Variants in MINDY2 observed in about 807,000 individuals in gnomAD.
MINDY2 encodes the protein ubiquitin carboxyl-terminal hydrolase MINDY-2.
A neutral mutation model predicts 68.2 loss-of-function variants in MINDY2; 52 were observed. That is an observed-to-expected ratio of 0.76 (90% CI 0.61 to 0.96). The LOEUF is 0.96. Ranked by LOEUF, MINDY2 falls within the 40% of genes least tolerant of loss-of-function variation. The probability of loss-of-function intolerance (pLI) is 0.00; values close to 1 mark genes in which losing one functional copy is unlikely to be tolerated. For synonymous variants in MINDY2, 372 were observed against 303.0 expected (o/e 1.23, Z -2.36); for missense variants, 881 against 773.4 (o/e 1.14, Z -1.65).
chr15:58,834,138 G>T (rs1384189445), intron 6 of MINDY2, among the ~76,000 whole-genome samples: 1 of 152,180 alleles, frequency 6.6e-6, no homozygotes, highest in African/African-American at 2.4e-5. Flanking sequence ...AGTTGACACA[G>T]CACACGTTTC....
rs1006156997 is a variant in MINDY2 at position 58,860,444 on chromosome 15, C to G, written c.*5834C>G. The G allele has an allele frequency of 4.6e-5, 7 of 152,048 alleles. No homozygotes were observed. The highest frequency in any genetic ancestry group is 5.9e-5 in the Non-Finnish European group (4 of 68,012). 9.4% of individuals were successfully genotyped at this position (152,048 alleles called of 1,614,324 possible). On this transcript the variant is annotated 3_prime_UTR_variant, in exon 9 of 9. Transcript: ENST00000559228. ...AAAAAATTAGCTGGGTGTGGTGGCA[C>G]ATGCCTGTAATCCCAGCCACTGGGG...
chr15:58,786,876 C>T (rs1397611201), intron 1 of MINDY2, among the ~76,000 whole-genome samples: 1 of 152,192 alleles, frequency 6.6e-6, no homozygotes, highest in Non-Finnish European at 1.5e-5. Flanking sequence ...GTCACCCAGG[C>T]TGGAGTGCAA....
intron 6 of MINDY2, among the ~76,000 whole-genome samples, chr15:58,842,993 T>G (rs2032354285): frequency 6.6e-6 from 1 of 152,198 alleles, no homozygotes; most frequent in South Asian, 2.1e-4. Flanking sequence ...CTACATTTGT[T>G]AAGTAGGAGT....
At chr15:58,820,918 A>G (rs928769483) in intron 4 of MINDY2, among the ~76,000 whole-genome samples, 9 of 151,514 alleles carry the variant, frequency 5.9e-5, no homozygotes, top group African/African-American at 1.7e-4. Context: ...TAACTTACTT[A>G]TACAGCAATA....
chr15:58,816,964 T>C (rs2030727465), intron 4 of MINDY2, among the ~76,000 whole-genome samples: 1 of 151,784 alleles, frequency 6.6e-6, no homozygotes, highest in Non-Finnish European at 1.5e-5. Context: ...GTCCTGGCTC[T>C]ACAAACATGG....
intron 6 of MINDY2, among the ~76,000 whole-genome samples, chr15:58,835,433 A>T (rs2031946124): frequency 6.6e-6 from 1 of 152,112 alleles, no homozygotes; most frequent in South Asian, 2.1e-4. Flanking sequence ...CGGGTGAATC[A>T]CTTGAGGTCA....
At position 58,851,985 on chromosome 15, in the gene MINDY2, G is replaced by A; in HGVS notation, c.1737+20G>A. On this transcript the variant is annotated intron_variant, in intron 8 of 8. Transcript: ENST00000559228. ...GCTCAGGTAAAAACTAGTGTTTTGA[G>A]TCTTAAATGTGATGATCATGGCTGG... 1 of 1,550,620 alleles carries A rather than the reference G, an allele frequency of 6.4e-7. No individual in the cohort carries two copies. Among genetic ancestry groups the A allele is most frequent in the Non-Finnish European group, 8.7e-7 (1 of 1,152,810 alleles).
chr15:58,795,032 C>T lies in MINDY2; in HGVS notation c.898+7069C>T, dbSNP rs552578364. On this transcript the variant is annotated intron_variant, in intron 2 of 8. Transcript: ENST00000559228. Reference sequence around the variant, plus strand: ...CTACTAAAAATACAAAAAAATTAGCCGGGCGTGGTGGCGGGCGCCTGTAGT... The same window carrying T: ...CTACTAAAAATACAAAAAAATTAGCTGGGCGTGGTGGCGGGCGCCTGTAGT... Among the ~76,000 whole-genome samples, 3 of 151,978 alleles carry T rather than the reference C, an allele frequency of 2.0e-5. No individual in the cohort carries two copies. In the South Asian group the frequency reaches 6.2e-4, roughly 32 times the overall value.
chr15:58,824,149 A>G (rs1258041856), intron 5 of MINDY2, among the ~76,000 whole-genome samples: 1 of 152,192 alleles, frequency 6.6e-6, no homozygotes, highest in African/African-American at 2.4e-5. Context: ...GGCTACAAAT[A>G]CAGTAAGGGT....
At chr15:58,792,910 G>C (rs1244693372) in intron 2 of MINDY2, among the ~76,000 whole-genome samples, 1 of 151,570 alleles carries the variant, frequency 6.6e-6, no homozygotes. Flanking sequence ...GCTGAGGTGG[G>C]AGGATCACTT....
At chr15:58,842,911 C>T (rs1735658324) in intron 6 of MINDY2, among the ~76,000 whole-genome samples, 1 of 152,172 alleles carries the variant, frequency 6.6e-6, no homozygotes, top group Non-Finnish European at 1.5e-5. Flanking sequence ...CCACTTTCAA[C>T]TTGACTTTCA....
At chr15:58,838,274 C>T (rs942786582) in intron 6 of MINDY2, among the ~76,000 whole-genome samples, 22 of 151,744 alleles carry the variant, frequency 1.4e-4, no homozygotes, top group African/African-American at 5.3e-4. Flanking sequence ...GGTGTGTGCC[C>T]GTAATGCCAG....
Position 58,847,381 on chromosome 15 carries a change from G to C in MINDY2, c.1453G>C (p.Asp485His). Reference protein sequence around the residue: ...VWESLHNVDGDGNFCDSEFHL... With the variant: ...VWESLHNVDGHGNFCDSEFHL... ...GGAAAGCCTACACAACGTAGATGGT[G>C]ATGGAAATTTCTGTGACTCAGAATT... is the stretch of plus-strand genomic sequence containing the variant. The change falls in exon 7 of 9, where the codon GAT becomes CAT. Residue 485 changes from aspartate to histidine, a missense_variant. Asp to His is a moderately conservative substitution (Grantham distance 81). Coordinates refer to ENST00000559228, the MANE Select transcript of MINDY2 (RefSeq NM_001040450.3). 6.2e-7 allele frequency: 1 copy of C among 1,609,258 alleles called. No individual in the cohort carries two copies. Among genetic ancestry groups the C allele is most frequent in the Non-Finnish European group, 8.5e-7 (1 of 1,176,426 alleles).
intron 4 of MINDY2, among the ~76,000 whole-genome samples, chr15:58,816,724 G>C (rs1174983697): frequency 1.3e-5 from 2 of 152,172 alleles, no homozygotes; most frequent in Non-Finnish European, 2.9e-5. Flanking sequence ...CAATTAGGTA[G>C]ACATAGAGGG....
chr15:58,783,537 G>T (rs1421846433), intron 1 of MINDY2, among the ~76,000 whole-genome samples: 2 of 152,096 alleles, frequency 1.3e-5, no homozygotes, highest in Non-Finnish European at 1.5e-5. Context: ...TTACATTCCT[G>T]TTTAAGATTT....
intron 7 of MINDY2, among the ~76,000 whole-genome samples, chr15:58,849,080 C>T (rs758437312): frequency 3.3e-4 from 50 of 151,858 alleles, no homozygotes; most frequent in Non-Finnish European, 3.5e-4. Context: ...TGTGGTGGTG[C>T]GCACCTGTAA....
intron 2 of MINDY2, among the ~76,000 whole-genome samples, chr15:58,799,321 A>T (rs1438372629): frequency 2.6e-5 from 4 of 152,220 alleles, no homozygotes; most frequent in African/African-American, 9.6e-5. Flanking sequence ...TAATCCCAGC[A>T]CTTTGGGAGG....
intron 2 of MINDY2, among the ~76,000 whole-genome samples, chr15:58,792,377 G>T (rs1490437629): frequency 1.3e-5 from 2 of 152,190 alleles, no homozygotes; most frequent in African/African-American, 4.8e-5. Context: ...GGAGGCCAAG[G>T]CAGGTGGATC....
chr15:58,815,017 C>T (rs2030583715), intron 4 of MINDY2, among the ~76,000 whole-genome samples: 1 of 151,864 alleles, frequency 6.6e-6, no homozygotes, highest in Non-Finnish European at 1.5e-5. Context: ...GAGGGCTTTG[C>T]CTAACCAAAA....
Sources: allele counts gnomAD v4.1 joint callset (sites outside exome capture counted in the v4.1 genomes callset), GRCh38; gene constraint gnomAD v4.1.1; transcripts MANE v1.5; gene names NCBI Gene and HGNC (gene_info 2026-07-23, HGNC 2026-07-21).